The following SULT2B1 variants were observed in gnomAD, a reference collection of about 807,000 sequenced individuals.
SULT2B1 encodes the protein sulfotransferase family 2B member 1, also known as sulfotransferase 2B1.
In SULT2B1, 16 loss-of-function variants were observed where a neutral mutation model predicts 33.2. The observed-to-expected ratio is 0.48, with a 90% CI of 0.33 to 0.73. SULT2B1 has a LOEUF of 0.73. Ranked by LOEUF, SULT2B1 falls within the 30% of genes least tolerant of loss-of-function variation. The pLI is 0.02. For missense variants in SULT2B1, 500 were observed against 506.0 expected (o/e 0.99, Z 0.11); for synonymous variants, 186 against 200.5 (o/e 0.93, Z 0.61).
intron 2 of SULT2B1, among the ~76,000 whole-genome samples, chr19:48,584,293 G>A (rs1436986187): frequency 6.6e-6 from 1 of 152,204 alleles, no homozygotes; most frequent in Non-Finnish European, 1.5e-5. Flanking sequence ...CTGGGTGACT[G>A]AGAAGTTCAC....
chr19:48,596,786 G>A lies in SULT2B1; in HGVS notation c.693G>A (p.Pro231=), dbSNP rs373999064. The A allele has an allele frequency of 1.6e-5, 25 of 1,608,898 alleles. No homozygotes were observed. The highest frequency in any genetic ancestry group is 5.5e-5 in the South Asian group (5 of 91,004). ...VERICGFLGR[P]LGKEALGSVV... ...GCATCTGTGGGTTCCTGGGCCGTCC[G>A]CTGGGCAAGGAGGCACTGGGCTCCG... is the stretch of plus-strand genomic sequence containing the variant. The change falls in exon 6 of 7, where the codon CCG becomes CCA. Residue 231 remains proline, a synonymous_variant. Coordinates refer to ENST00000201586, the MANE Select transcript of SULT2B1 (RefSeq NM_177973.2).
Position 48,592,719 on chromosome 19 carries a change from C to T in SULT2B1, c.551-3C>T. On this transcript the variant is annotated splice_region_variant and splice_polypyrimidine_tract_variant and intron_variant, in intron 4 of 6. Coordinates refer to ENST00000201586, the MANE Select transcript of SULT2B1 (RefSeq NM_177973.2). ...CTCACCCCACTTGTCCCTCTGCCCACAGTGCAGTTTGGCTCCTGGTTCGAC... is the reference window on the plus strand; with the variant it reads ...CTCACCCCACTTGTCCCTCTGCCCATAGTGCAGTTTGGCTCCTGGTTCGAC... The T allele has an allele frequency of 1.3e-6, 2 of 1,589,100 alleles. No individual in the cohort carries two copies. Among genetic ancestry groups the T allele is most frequent in the Non-Finnish European group, 8.6e-7 (1 of 1,166,920 alleles).
At chr19:48,592,855 T>G in intron 5 of SULT2B1, 39 bp downstream of exon 5, 2 of 1,506,354 alleles carry the variant, frequency 1.3e-6, no homozygotes, top group Non-Finnish European at 1.8e-6. Flanking sequence ...GTCCCCCCCA[T>G]ACCCTCTGCT....
intron 2 of SULT2B1, among the ~76,000 whole-genome samples, chr19:48,587,002 CGGCTGA>C (rs1973569384): frequency 6.6e-6 from 1 of 151,928 alleles, no homozygotes; most frequent in Admixed American, 6.6e-5. Flanking sequence ...GCTAGCTACT[CGGCTGA>C]GGCTGAGGCA....
At chr19:48,572,761 G>A (rs766708956) in intron 1 of SULT2B1, among the ~76,000 whole-genome samples, 24 of 152,132 alleles carry the variant, frequency 1.6e-4, no homozygotes, top group Middle Eastern at 3.4e-3. Context: ...ACAGGGAGAG[G>A]AGAAGGCCTG....
chr19:48,599,239 G>A lies in SULT2B1; in HGVS notation c.931G>A (p.Glu311Lys), dbSNP rs766844809. Residue 311 changes from glutamate (E) to lysine (K), a missense_variant, in exon 7 of 7, where the codon GAA becomes AAA. Coordinates refer to ENST00000201586, the MANE Select transcript of SULT2B1 (RefSeq NM_177973.2). This position sits in a 1 kb window ranked among gnomAD's most constrained non-coding sequence, Gnocchi z 4.1. Reference sequence around the variant, plus strand: ...GGGGATGCCGACCTTCCCCTGGGATGAAGACCCGGAGGAGGACGGCAGCCC... The same window carrying A: ...GGGGATGCCGACCTTCCCCTGGGATAAAGACCCGGAGGAGGACGGCAGCCC... ...MRGMPTFPWD[E>K]DPEEDGSPDP... 6 of 1,609,738 alleles carry A rather than the reference G, an allele frequency of 3.7e-6. No homozygotes were observed. The highest frequency in any genetic ancestry group is 1.3e-5 in the African/African-American group (1 of 74,774).
intron 1 of SULT2B1, among the ~76,000 whole-genome samples, chr19:48,561,353 C>T (rs1449376889): frequency 6.6e-6 from 1 of 151,668 alleles, no homozygotes; most frequent in East Asian, 2.0e-4. Context: ...CGCTTGAACC[C>T]GGGAGGCAGA....
intron 3 of SULT2B1, among the ~76,000 whole-genome samples, chr19:48,588,824 C>A (rs1280216114): frequency 6.6e-6 from 1 of 151,840 alleles, no homozygotes. Context: ...GAGGGAAAAG[C>A]AGGTGCAAAG....
chr19:48,587,489 G>A, intron 3 of SULT2B1, 52 bp downstream of exon 3: 1 of 1,584,186 alleles, frequency 6.3e-7, no homozygotes, highest in Non-Finnish European at 8.7e-7. Context: ...GGTGTATGGG[G>A]TAATGGGGGG....
chr19:48,584,015 G>A (rs1425775333), intron 2 of SULT2B1, among the ~76,000 whole-genome samples: 1 of 152,012 alleles, frequency 6.6e-6, no homozygotes, highest in Non-Finnish European at 1.5e-5. Context: ...GGGAAGCTGA[G>A]GCAGGAGAAT....
At chr19:48,569,138 C>T (rs1056677025) in intron 1 of SULT2B1, among the ~76,000 whole-genome samples, 2 of 150,878 alleles carry the variant, frequency 1.3e-5, no homozygotes, top group Non-Finnish European at 3.0e-5. Flanking sequence ...GTCAGGAGAT[C>T]GAGACCATCC....
intron 2 of SULT2B1, among the ~76,000 whole-genome samples, chr19:48,585,041 T>C (rs1601105922): frequency 3.6e-5 from 3 of 83,632 alleles, no homozygotes; most frequent in South Asian, 5.1e-4. Context: ...AGAGTGAGAC[T>C]CCTTCTCAAA....
At chr19:48,594,117 C>T (rs993801510) in intron 5 of SULT2B1, among the ~76,000 whole-genome samples, 12 of 151,596 alleles carry the variant, frequency 7.9e-5, no homozygotes, top group East Asian at 2.0e-4. Context: ...AAAAATTAGG[C>T]GGCCATGGTG....
At chr19:48,571,347 C>A (rs1973324953) in intron 1 of SULT2B1, among the ~76,000 whole-genome samples, 1 of 151,780 alleles carries the variant, frequency 6.6e-6, no homozygotes, top group African/African-American at 2.4e-5. Flanking sequence ...CAGGCGCCCA[C>A]CACCGTGCCC....
intron 3 of SULT2B1, among the ~76,000 whole-genome samples, chr19:48,588,981 C>T (rs753834910): frequency 3.9e-5 from 6 of 152,204 alleles, no homozygotes; most frequent in Non-Finnish European, 7.3e-5. Context: ...CCGGTGCGGA[C>T]TTGAGCTCTG....
rs966743306 is a variant in SULT2B1, at chr19:48,587,577, T to A, written c.423+140T>A. On this transcript the variant is annotated intron_variant, in intron 3 of 6. Coordinates refer to ENST00000201586, the MANE Select transcript of SULT2B1 (RefSeq NM_177973.2). ...TGTGCCTGACTCTGATCTAGCACAG[T>A]GGTCAATATACACACAGAAATGCCT... 1.6e-4 allele frequency: 150 copies of A among 942,212 alleles called. 1 individual carries two copies. Among genetic ancestry groups the A allele is most frequent in the Middle Eastern group, 1.3e-3 (4 of 3,034 alleles). 58.4% of individuals were successfully genotyped at this position (942,212 alleles called of 1,614,324 possible).
intron 1 of SULT2B1, among the ~76,000 whole-genome samples, chr19:48,574,200 G>A (rs1382175048): frequency 6.6e-6 from 1 of 152,170 alleles, no homozygotes; most frequent in African/African-American, 2.4e-5. Context: ...ACCCAAGGCT[G>A]AGAACTGCTA....
chr19:48,581,779 G>A (rs926904245), intron 2 of SULT2B1, among the ~76,000 whole-genome samples: 14 of 150,860 alleles, frequency 9.3e-5, no homozygotes, highest in African/African-American at 3.4e-4. Context: ...TATGATGTGA[G>A]TACAGATCCT....
At chr19:48,590,451 A>C (rs942264198) in intron 3 of SULT2B1, among the ~76,000 whole-genome samples, 2 of 152,134 alleles carry the variant, frequency 1.3e-5, no homozygotes, top group South Asian at 4.1e-4. Flanking sequence ...AAAATACAAA[A>C]ATTAGCCAGG....
Sources: gnomAD v4.1 joint callset for allele counts (sites outside exome capture counted in the v4.1 genomes callset) on GRCh38, gnomAD v4.1.1 for gene constraint, Gnocchi (gnomAD v3.1) non-coding constraint, MANE v1.5 for transcripts, NCBI Gene and HGNC (gene_info 2026-07-23, HGNC 2026-07-21) for gene names.